Variants in HHIPL1 observed in about 807,000 individuals in gnomAD.
The protein encoded by HHIPL1 is HHIP like 1, also known as HHIP-like protein 1.
A neutral mutation model predicts 61.8 loss-of-function variants in HHIPL1; 43 were observed. That is an observed-to-expected ratio of 0.70 (90% CI 0.55 to 0.90). HHIPL1 has a LOEUF of 0.90. HHIPL1 is among the 40% of genes least tolerant of loss of function. The probability of loss-of-function intolerance (pLI) is 0.00; values close to 1 mark genes in which losing one functional copy is unlikely to be tolerated. For missense variants in HHIPL1, 1,056 were observed against 1,157.7 expected, an observed-to-expected ratio of 0.91 and a Z score of 1.28; for synonymous variants, 482 against 515.8, an observed-to-expected ratio of 0.93 and a Z score of 0.89.
the HHIPL1 span, among the ~76,000 whole-genome samples, chr14:99,607,919 G>A: frequency 4.6e-5 from 7 of 152,214 alleles, no homozygotes; most frequent in East Asian, 1.3e-3. Flanking sequence ...ATTTAAATGG[G>A]AATATATATA....
the HHIPL1 span, among the ~76,000 whole-genome samples, chr14:99,604,844 G>A: frequency 2.6e-4 from 40 of 152,246 alleles, no homozygotes; most frequent in African/African-American, 9.4e-4. Context: ...CTGTGACATG[G>A]GGGTCGCTCT....
intron 1 of HHIPL1, among the ~76,000 whole-genome samples, chr14:99,648,571 C>T (rs906177393): frequency 1.3e-5 from 2 of 152,202 alleles, no homozygotes; most frequent in African/African-American, 2.4e-5. Flanking sequence ...CTGGCTGGAG[C>T]GCCCCTGGCG....
Position 99,652,472 on chromosome 14 carries a change from C to T in HHIPL1, c.504C>T (p.Asn168=). 1.2e-6 allele frequency: 2 copies of T among 1,614,112 alleles called. No individual in the cohort carries two copies. Among genetic ancestry groups the T allele is most frequent in the Non-Finnish European group, 1.7e-6 (2 of 1,180,038 alleles). The stretch of plus-strand genomic sequence containing the variant: ...ACCTGCTGGTCAACAAGAACCTCAA[C>T]TCAAACCTGGGCCACGTGGTAGCCG... ...FPYLLVNKNL[N]SNLGHVVADA... Residue 168 remains asparagine, a synonymous_variant, in exon 2 of 9, where the codon AAC becomes AAT. Coordinates refer to ENST00000330710, the MANE Select transcript of HHIPL1 (RefSeq NM_001127258.3).
rs755061217 is a variant in HHIPL1, at chr14:99,675,444, C to A, written c.2167C>A (p.Arg723Ser). 1.2e-5 allele frequency: 18 copies of A among 1,538,068 alleles called. No homozygotes were observed. Among genetic ancestry groups the A allele is most frequent in the Non-Finnish European group, 1.3e-5 (15 of 1,145,660 alleles). Reference protein sequence around the residue: ...CRQLGFAYAVRAVKRAEFGQG... With the variant: ...CRQLGFAYAVSAVKRAEFGQG... ...CCAGCTGGGGTTTGCCTACGCCGTGCGCGCCGTCAAGAGAGCCGAGTTCGG... is the reference window on the plus strand; with the variant it reads ...CCAGCTGGGGTTTGCCTACGCCGTGAGCGCCGTCAAGAGAGCCGAGTTCGG... The change falls in exon 9 of 9, where the codon CGC (arginine) becomes AGC (serine). Residue 723 changes from arginine to serine, a missense_variant. Transcript: ENST00000330710. This position sits in a 1 kb window ranked among gnomAD's most constrained non-coding sequence, Gnocchi z 5.4.
upstream of HHIPL1, among the ~76,000 whole-genome samples, chr14:99,640,405 C>G (rs1338693573): frequency 6.6e-6 from 1 of 152,170 alleles, no homozygotes; most frequent in East Asian, 1.9e-4. Context: ...CTACCTCAGC[C>G]TCCCAAGTAG....
At chr14:99,670,826 C>T (rs542790921) in intron 7 of HHIPL1, among the ~76,000 whole-genome samples, 66 of 152,278 alleles carry the variant, frequency 4.3e-4, no homozygotes, top group African/African-American at 1.6e-3. Context: ...TGCTGAGTCA[C>T]TATAACCCAT....
Position 99,652,590 on chromosome 14 carries a change from C to T in HHIPL1, c.622C>T (p.Arg208Cys), listed in dbSNP as rs140080680. ...GGTCCATGCCAGGGATGGCACCCAC[C>T]GCTTCTTCGTGGCCGAGCAGGTGGG... ...AMVHARDGTH[R>C]FFVAEQVGLV... Residue 208 changes from arginine to cysteine, a missense_variant, in exon 2 of 9, where the codon CGC (arginine) becomes TGC (cysteine). Coordinates refer to ENST00000330710, the MANE Select transcript of HHIPL1 (RefSeq NM_001127258.3). The T allele has an allele frequency of 7.7e-5, 124 of 1,613,074 alleles. No homozygotes were observed. Among genetic ancestry groups the T allele is most frequent in the East Asian group, 1.1e-4 (5 of 44,898 alleles).
At chr14:99,673,429 C>T (rs2056346251) in intron 8 of HHIPL1, among the ~76,000 whole-genome samples, 2 of 149,168 alleles carry the variant, frequency 1.3e-5, no homozygotes, top group African/African-American at 2.5e-5. Context: ...CATTTACTGT[C>T]CAAGGCCTTG....
At chr14:99,639,152 G>C in the HHIPL1 span, among the ~76,000 whole-genome samples, 1 of 152,206 alleles carries the variant, frequency 6.6e-6, no homozygotes, top group Admixed American at 6.5e-5. Context: ...GGTGGAGACC[G>C]GGGAACCGGG....
the HHIPL1 span, among the ~76,000 whole-genome samples, chr14:99,631,645 TC>T: frequency 6.6e-6 from 1 of 151,954 alleles, no homozygotes; most frequent in Non-Finnish European, 1.5e-5. Context: ...TGAGATGGAG[TC>T]TCGCTCTATC....
upstream of HHIPL1, among the ~76,000 whole-genome samples, chr14:99,640,530 C>T (rs2055736974): frequency 1.3e-5 from 2 of 152,218 alleles, no homozygotes; most frequent in Non-Finnish European, 2.9e-5. Flanking sequence ...AGCAATCTGC[C>T]TGCCTTGGCC....
the HHIPL1 span, among the ~76,000 whole-genome samples, chr14:99,617,916 G>A: frequency 6.6e-6 from 1 of 152,190 alleles, no homozygotes; most frequent in African/African-American, 2.4e-5. Flanking sequence ...CAGAAGCTGG[G>A]GCTCGGGTAT....
Position 99,668,108 on chromosome 14 carries a change from C to A in HHIPL1, c.1649-114C>A. On this transcript the variant is annotated intron_variant, in intron 6 of 8. Transcript: ENST00000330710. The surrounding 1 kb of genome is among the most constrained non-coding windows in gnomAD (Gnocchi z 4.7). ...TGAGCTGGGATGCCTCACGTGATGG[C>A]TAGCTGGGGTTGGGGTCTATTTCCA... The A allele has an allele frequency of 1.4e-6, 1 of 735,920 alleles. No homozygotes were observed. 45.6% of individuals were successfully genotyped at this position (735,920 alleles called of 1,614,324 possible). A position where few individuals can be genotyped will look rare whatever the true frequency, so the allele number is the denominator to read the frequency against.
the HHIPL1 span, among the ~76,000 whole-genome samples, chr14:99,626,369 G>A: frequency 6.6e-6 from 1 of 152,194 alleles, no homozygotes; most frequent in African/African-American, 2.4e-5. Flanking sequence ...CTCCCATCAG[G>A]ATTCCAGCTG....
At chr14:99,625,349 T>G in the HHIPL1 span, 2 of 152,292 alleles carry the variant, frequency 1.3e-5, no homozygotes, top group Non-Finnish European at 2.9e-5. Flanking sequence ...TGCAATCAGG[T>G]CTGCCTGGCA....
At position 99,662,887 on chromosome 14, in the gene HHIPL1, C is replaced by A. The variant is rs1287002975; in HGVS notation, c.1514C>A (p.Ser505Tyr). Reference sequence around the variant, plus strand: ...ATCTTCCTTTGCAGGCGTCTGATGTCCCTCCAAGAGAACCCAGGGACAGGC... The same window carrying A: ...ATCTTCCTTTGCAGGCGTCTGATGTACCTCCAAGAGAACCCAGGGACAGGC... ...FGDFMSGRLM[S>Y]LQENPGTGQW... is the part of the protein sequence containing the mutation. The change falls in exon 6 of 9, where the codon TCC becomes TAC. Residue 505 changes from serine (S) to tyrosine (Y), a missense_variant. Ser to Tyr is a moderately radical substitution (Grantham distance 144). Coordinates refer to ENST00000330710, the MANE Select transcript of HHIPL1 (RefSeq NM_001127258.3). 6.2e-7 allele frequency: 1 copy of A among 1,601,894 alleles called. No individual in the cohort carries two copies. The highest frequency in any genetic ancestry group is 8.5e-7 in the Non-Finnish European group (1 of 1,175,168).
the HHIPL1 span, among the ~76,000 whole-genome samples, chr14:99,637,414 A>G: frequency 2.1e-5 from 3 of 145,224 alleles, no homozygotes; most frequent in Non-Finnish European, 4.7e-5. Context: ...CAAAAAACAA[A>G]TAACATAATC....
intron 1 of HHIPL1, among the ~76,000 whole-genome samples, chr14:99,648,316 GA>G (rs1468687948): frequency 1.3e-5 from 2 of 152,288 alleles, no homozygotes; most frequent in East Asian, 3.9e-4. Context: ...ACAACTCTAT[GA>G]GGTTGGAATT....
the HHIPL1 span, among the ~76,000 whole-genome samples, chr14:99,631,047 A>ATTTTCT: frequency 9.8e-4 from 119 of 122,024 alleles, 1 homozygote; most frequent in Middle Eastern, 9.6e-3. Flanking sequence ...CAGTGGCTCC[A>ATTTTCT]TTTTCTTTCT....
Sources: allele counts gnomAD v4.1 joint callset (sites outside exome capture counted in the v4.1 genomes callset), GRCh38; gene constraint gnomAD v4.1.1; non-coding constraint Gnocchi (gnomAD v3.1); transcripts MANE v1.5; gene names NCBI Gene and HGNC (gene_info 2026-07-23, HGNC 2026-07-21).